The following OR1M1 variants were observed in gnomAD, a reference collection of about 807,000 sequenced individuals.
The protein encoded by OR1M1 is olfactory receptor 1M1.
For missense variants in OR1M1, 397 were observed against 401.8 expected, an observed-to-expected ratio of 0.99 and a Z score of 0.10; for synonymous variants, 157 against 165.5, an observed-to-expected ratio of 0.95 and a Z score of 0.39.
intron 1 of OR1M1, among the ~76,000 whole-genome samples, chr19:9,087,838 C>T (rs2050272513): frequency 6.6e-6 from 1 of 152,122 alleles, no homozygotes; most frequent in Non-Finnish European, 1.5e-5. Flanking sequence ...AGTTGTGATG[C>T]TACCAGTCCT....
intron 1 of OR1M1, among the ~76,000 whole-genome samples, chr19:9,087,882 T>A (rs1225248124): frequency 1.3e-5 from 2 of 151,826 alleles, no homozygotes; most frequent in East Asian, 1.9e-4. Flanking sequence ...GTAGCACTGT[T>A]TTTCTTCGTA....
At chr19:9,092,046 C>CTATAGGT (rs1555707811) in intron 1 of OR1M1, among the ~76,000 whole-genome samples, 1 of 132,704 alleles carries the variant, frequency 7.5e-6, no homozygotes, top group Admixed American at 7.9e-5. Context: ...GTACTTGGAA[C>CTATAGGT]TATAGGTGTC....
chr19:9,091,791 G>A (rs981689788), intron 1 of OR1M1, among the ~76,000 whole-genome samples: 7 of 152,138 alleles, frequency 4.6e-5, no homozygotes, highest in Admixed American at 2.0e-4. Context: ...CTGGAAGGAT[G>A]GTGATTCCAT....
At chr19:9,089,873 C>A (rs2050283858) in intron 1 of OR1M1, among the ~76,000 whole-genome samples, 1 of 152,068 alleles carries the variant, frequency 6.6e-6, no homozygotes, top group Non-Finnish European at 1.5e-5. Context: ...AGTTCATCTC[C>A]CTCACTAAAC....
intron 1 of OR1M1, among the ~76,000 whole-genome samples, chr19:9,089,378 C>T (rs1204845693): frequency 6.6e-6 from 1 of 150,800 alleles, no homozygotes; most frequent in Non-Finnish European, 1.5e-5. Flanking sequence ...AGATCTCCTT[C>T]ATTTTTATGG....
At position 9,094,056 on chromosome 19, in the gene OR1M1, A is replaced by G. The variant is rs1255288731; in HGVS notation, c.812A>G (p.Glu271Gly). 9.3e-6 allele frequency: 15 copies of G among 1,614,038 alleles called. No individual in the cohort carries two copies. The highest frequency in any genetic ancestry group is 1.3e-5 in the Non-Finnish European group (15 of 1,180,008). The change falls in exon 2 of 2, where the codon GAG (glutamate) becomes GGG (glycine). Residue 271 changes from glutamate (E) to glycine (G), a missense_variant. Glu to Gly is a moderately conservative substitution (Grantham distance 98). Coordinates refer to ENST00000641627, the MANE Select transcript of OR1M1 (RefSeq NM_001004456.2). ...TCCTCGGTCCTCACCACTGTGAAGG[A>G]GAAAGCTTCTGCGGTGATGTACACA... is the stretch of plus-strand genomic sequence containing the variant. ...CPSSVLTTVK[E>G]KASAVMYTAV...
intron 1 of OR1M1, among the ~76,000 whole-genome samples, chr19:9,092,460 C>T (rs1299738645): frequency 1.3e-5 from 2 of 151,904 alleles, no homozygotes; most frequent in Non-Finnish European, 2.9e-5. Flanking sequence ...ATAAGCCAGG[C>T]TTACTTATGG....
In OR1M1 at chr19:9,092,710, G is replaced by A. The variant is rs562541767; in HGVS notation, c.-13-522G>A. Among the ~76,000 whole-genome samples the A allele has an allele frequency of 2.9e-4, 44 of 152,030 alleles. No individual in the cohort carries two copies. The East Asian group carries it at 7.7e-3, about 27-fold the overall frequency. On this transcript the variant is annotated intron_variant, in intron 1 of 1. Coordinates refer to ENST00000641627, the MANE Select transcript of OR1M1 (RefSeq NM_001004456.2). ...AGGTCAGGAGTTCGAGACCAGCCTG[G>A]CCAATATGGTGAAACCCCATTTCTA...
intron 1 of OR1M1, among the ~76,000 whole-genome samples, chr19:9,087,600 C>T (rs542796093): frequency 6.6e-6 from 1 of 152,102 alleles, no homozygotes; most frequent in Non-Finnish European, 1.5e-5. Flanking sequence ...TACAGGCATA[C>T]ACCACCATGC....
intron 1 of OR1M1, among the ~76,000 whole-genome samples, chr19:9,092,615 T>A (rs1319357069): frequency 2.0e-5 from 3 of 151,582 alleles, no homozygotes; most frequent in Admixed American, 2.0e-4. Flanking sequence ...AAAAATAATA[T>A]CTTTAGCCTG....
At chr19:9,091,021 G>T in intron 1 of OR1M1, among the ~76,000 whole-genome samples, 1 of 151,836 alleles carries the variant, frequency 6.6e-6, no homozygotes, top group South Asian at 2.1e-4. Context: ...CAAAAAATTA[G>T]CCAGGCGTGG....
rs150532534 is a variant in OR1M1, at chr19:9,087,644, T to A, written c.-14+487T>A. Among the ~76,000 whole-genome samples, 1,566 of 152,120 alleles carry A rather than the reference T, an allele frequency of 0.01. 51 individuals are homozygous for A. In the East Asian group the frequency reaches 0.11, roughly 11 times the overall value. On this transcript the variant is annotated intron_variant, in intron 1 of 1. Coordinates refer to ENST00000641627, the MANE Select transcript of OR1M1 (RefSeq NM_001004456.2). ...TTTTGTATTTTTAGTAGAGACAAGGTTTCACCATGTTGGTCAGGCTGATCT... is the reference window on the plus strand; with the variant it reads ...TTTTGTATTTTTAGTAGAGACAAGGATTCACCATGTTGGTCAGGCTGATCT...
rs1393517766 is a variant in OR1M1, at chr19:9,093,486, T to G, written c.242T>G (p.Met81Arg). The G allele has an allele frequency of 1.9e-6, 3 of 1,614,114 alleles. No homozygotes were observed. The Admixed American group carries it at 5.0e-5, about 27-fold the overall frequency. The part of the protein sequence containing the change: ...FCLATNTIPK[M>R]LVSLQTGSKA... ...CTGGCCACCAACACCATCCCTAAGATGCTGGTGAGCCTTCAAACCGGGAGC... is the reference window on the plus strand; with the variant it reads ...CTGGCCACCAACACCATCCCTAAGAGGCTGGTGAGCCTTCAAACCGGGAGC... The change falls in exon 2 of 2, where the codon ATG (methionine) becomes AGG (arginine). Residue 81 changes from methionine to arginine, a missense_variant. Transcript: ENST00000641627.
chr19:9,088,279 C>T (rs1007434134), intron 1 of OR1M1, among the ~76,000 whole-genome samples: 6 of 152,110 alleles, frequency 3.9e-5, no homozygotes, highest in Non-Finnish European at 8.8e-5. Context: ...TTGTGTTATT[C>T]CCCATGTTGG....
intron 1 of OR1M1, among the ~76,000 whole-genome samples, chr19:9,090,687 G>A (rs1288789962): frequency 1.3e-5 from 2 of 151,732 alleles, no homozygotes; most frequent in Non-Finnish European, 2.9e-5. Context: ...GCCTGCCTCG[G>A]CCTCCCAAAG....
chr19:9,092,768 G>A (rs2050300261), intron 1 of OR1M1, among the ~76,000 whole-genome samples: 1 of 151,764 alleles, frequency 6.6e-6, no homozygotes, highest in African/African-American at 2.4e-5. Flanking sequence ...GGACGTGGTG[G>A]TGGGCACCTG....
At position 9,094,242 on chromosome 19, in the gene OR1M1, G is replaced by A; in HGVS notation, c.*56G>A. 9.8e-7 allele frequency: 1 copy of A among 1,015,592 alleles called. No individual in the cohort carries two copies. Among genetic ancestry groups the A allele is most frequent in the Non-Finnish European group, 1.4e-6 (1 of 692,924 alleles). 62.9% of individuals were successfully genotyped at this position (1,015,592 alleles called of 1,614,324 possible). On this transcript the variant is annotated 3_prime_UTR_variant, in exon 2 of 2. Transcript: ENST00000641627. ...GAATATATACATCTGGGAGTCTTGGGCTAACATCTGGAATTGCATGAGTTG... is the reference window on the plus strand; with the variant it reads ...GAATATATACATCTGGGAGTCTTGGACTAACATCTGGAATTGCATGAGTTG...
chr19:9,088,795 A>G (rs1823057), intron 1 of OR1M1, among the ~76,000 whole-genome samples: 103,067 of 151,772 alleles, frequency 0.68, 35,186 homozygotes, highest in East Asian at 0.8. Flanking sequence ...GGCTGAGGCC[A>G]GAGAACCATT....
chr19:9,093,636 A>G lies in OR1M1; in HGVS notation c.392A>G (p.His131Arg). The stretch of plus-strand genomic sequence containing the variant: ...TTCGTGGCCATCTGCCACCCATTGC[A>G]CTACGCCAAGATCATGAGCCTACGC... ...DRFVAICHPL[H>R]YAKIMSLRLC... The change falls in exon 2 of 2, where the codon CAC becomes CGC. Residue 131 changes from histidine to arginine, a missense_variant. His to Arg is a conservative substitution (Grantham distance 29). Transcript: ENST00000641627. 2.5e-6 allele frequency: 4 copies of G among 1,614,154 alleles called. No homozygotes were observed. Among genetic ancestry groups the G allele is most frequent in the Non-Finnish European group, 3.4e-6 (4 of 1,180,040 alleles).
Sources: gnomAD v4.1 joint callset for allele counts (sites outside exome capture counted in the v4.1 genomes callset) on GRCh38, gnomAD v4.1.1 for gene constraint, MANE v1.5 for transcripts, NCBI Gene and HGNC (gene_info 2026-07-23, HGNC 2026-07-21) for gene names.